The following WDR70 variants were observed in gnomAD, a reference collection of about 807,000 sequenced individuals.
WDR70 encodes the protein WD repeat-containing protein 70.
Under a neutral mutation model 88.6 loss-of-function variants are expected in WDR70, and 53 were observed. The observed-to-expected ratio is 0.60, with a 90% CI of 0.48 to 0.75. WDR70 has a LOEUF of 0.75. WDR70 is among the 30% of genes least tolerant of loss of function. The pLI is 0.00. For synonymous variants in WDR70, 280 were observed against 270.0 expected, an observed-to-expected ratio of 1.04 and a Z score of -0.36; for missense variants, 610 against 823.2, an observed-to-expected ratio of 0.74 and a Z score of 3.17.
intron 10 of WDR70, among the ~76,000 whole-genome samples, chr5:37,607,761 G>A (rs543423930): frequency 6.6e-6 from 1 of 152,274 alleles, no homozygotes; most frequent in East Asian, 1.9e-4. Context: ...TGCTCCTCAA[G>A]AGGAGTGGTT....
chr5:37,476,272 C>G (rs1051520822), intron 7 of WDR70, among the ~76,000 whole-genome samples: 8 of 152,140 alleles, frequency 5.3e-5, no homozygotes, highest in African/African-American at 1.7e-4. Context: ...TAAATTAGTA[C>G]TTTTACTACT....
intron 5 of WDR70, among the ~76,000 whole-genome samples, chr5:37,421,139 A>G (rs1749933715): frequency 6.6e-6 from 1 of 152,182 alleles, no homozygotes; most frequent in South Asian, 2.1e-4. Flanking sequence ...CTCTAAGGCC[A>G]CGCAGTGGTA....
At chr5:37,503,920 A>T (rs1163991847) in intron 8 of WDR70, among the ~76,000 whole-genome samples, 1 of 152,138 alleles carries the variant, frequency 6.6e-6, no homozygotes, top group Non-Finnish European at 1.5e-5. Context: ...AGGTGTTCAT[A>T]GTAATCTCAA....
chr5:37,529,707 G>C (rs1194312389), intron 9 of WDR70, among the ~76,000 whole-genome samples: 1 of 152,104 alleles, frequency 6.6e-6, no homozygotes, highest in Admixed American at 6.6e-5. Context: ...TTATTTACCA[G>C]TTCTAGGAGC....
intron 11 of WDR70, among the ~76,000 whole-genome samples, chr5:37,700,024 C>T (rs1314918775): frequency 6.6e-6 from 1 of 151,882 alleles, no homozygotes; most frequent in Non-Finnish European, 1.5e-5. Context: ...CAAAGGTGAG[C>T]CTTACAAAGT....
intron 10 of WDR70, among the ~76,000 whole-genome samples, chr5:37,674,340 G>A (rs563053560): frequency 6.9e-4 from 105 of 151,842 alleles, no homozygotes; most frequent in Middle Eastern, 3.4e-3. Flanking sequence ...CCATTAACTC[G>A]TCATTTAGCA....
chr5:37,474,920 T>C (rs1283515477), intron 7 of WDR70, among the ~76,000 whole-genome samples: 1 of 152,064 alleles, frequency 6.6e-6, no homozygotes, highest in East Asian at 1.9e-4. Flanking sequence ...TTATTATTTT[T>C]ATTATTTTTA....
chr5:37,726,913 G>C lies in WDR70; in HGVS notation c.1745G>C (p.Gly582Ala), dbSNP rs1401727785. ...GRGGRVGTHG[G>A]TLSSYIVKNI... ...GGTGGCCGAGTTGGAACCCACGGGGGCACTCTCTCTTCCTATATTGTGAAG... is the reference window on the plus strand; with the variant it reads ...GGTGGCCGAGTTGGAACCCACGGGGCCACTCTCTCTTCCTATATTGTGAAG... Residue 582 changes from glycine (G) to alanine (A), a missense_variant, in exon 17 of 18, where the codon GGC becomes GCC. Coordinates refer to ENST00000265107, the MANE Select transcript of WDR70 (RefSeq NM_018034.4). 1 of 1,595,674 alleles carries C rather than the reference G, an allele frequency of 6.3e-7. No homozygotes were observed. Among genetic ancestry groups the C allele is most frequent in the Non-Finnish European group, 8.5e-7 (1 of 1,173,992 alleles).
At chr5:37,599,776 C>T (rs1743808941) in intron 9 of WDR70, among the ~76,000 whole-genome samples, 1 of 151,986 alleles carries the variant, frequency 6.6e-6, no homozygotes, top group African/African-American at 2.4e-5. Context: ...GCCTGTACTC[C>T]TAGCTACTCA....
intron 10 of WDR70, among the ~76,000 whole-genome samples, chr5:37,675,218 G>A (rs1180137259): frequency 6.6e-6 from 1 of 152,022 alleles, no homozygotes; most frequent in African/African-American, 2.4e-5. Context: ...CTTTTGCTGT[G>A]CAGAAGCTCT....
chr5:37,533,867 C>A (rs1359339935), intron 9 of WDR70, among the ~76,000 whole-genome samples: 1 of 152,188 alleles, frequency 6.6e-6, no homozygotes, highest in East Asian at 1.9e-4. Context: ...GCCGTGCCCC[C>A]TCACCTGCAT....
intron 9 of WDR70, among the ~76,000 whole-genome samples, chr5:37,525,935 A>G (rs1340231075): frequency 6.6e-6 from 1 of 152,244 alleles, no homozygotes; most frequent in African/African-American, 2.4e-5. Flanking sequence ...TAAACCAGGA[A>G]GAATTTGAAT....
chr5:37,584,944 A>G (rs941817778), intron 9 of WDR70, among the ~76,000 whole-genome samples: 1 of 150,404 alleles, frequency 6.6e-6, no homozygotes, highest in Admixed American at 6.7e-5. Context: ...TTACTTCTTA[A>G]CATAAATAAA....
intron 8 of WDR70, among the ~76,000 whole-genome samples, chr5:37,502,390 T>C (rs577011169): frequency 6.6e-6 from 1 of 152,310 alleles, no homozygotes; most frequent in East Asian, 1.9e-4. Context: ...TTTTCAACTT[T>C]TCCCCATTTA....
intron 9 of WDR70, among the ~76,000 whole-genome samples, chr5:37,587,776 TTC>T (rs1164089990): frequency 6.8e-5 from 9 of 133,058 alleles, no homozygotes; most frequent in Non-Finnish European, 1.4e-4. Context: ...AAAAGCCCTA[TTC>T]TTTTTTTTTT....
At chr5:37,546,645 G>A (rs1742004016) in intron 9 of WDR70, among the ~76,000 whole-genome samples, 1 of 152,182 alleles carries the variant, frequency 6.6e-6, no homozygotes, top group Non-Finnish European at 1.5e-5. Context: ...TAGACCAGAT[G>A]CGGTGGCTCA....
intron 5 of WDR70, among the ~76,000 whole-genome samples, chr5:37,420,741 G>A (rs1057308846): frequency 3.3e-5 from 5 of 152,038 alleles, no homozygotes; most frequent in South Asian, 2.1e-4. Flanking sequence ...GTGAAACCCC[G>A]TCTCTACTAA....
chr5:37,749,632 G>A lies in WDR70; in HGVS notation c.1878-2854G>A, dbSNP rs78491060. On this transcript the variant is annotated intron_variant, in intron 17 of 17. Transcript: ENST00000265107. ...CAACATTATGATTAGTTCAAAAGTA[G>A]AAATTAAATGTCATGGAGTTTTGCA... Among the ~76,000 whole-genome samples, 1,349 of 152,090 alleles carry A rather than the reference G, an allele frequency of 8.9e-3. 22 individuals carry two copies. The highest frequency in any genetic ancestry group is 0.031 in the African/African-American group (1,288 of 41,490).
chr5:37,449,603 ATAAAAAATAAAAAAT>A (rs1561856850), intron 7 of WDR70, among the ~76,000 whole-genome samples: 18 of 70,638 alleles, frequency 2.5e-4, no homozygotes, highest in South Asian at 1.1e-3. Flanking sequence ...AAAAAAAAAA[ATAAAAAATAAAAAAT>A]AAATAAATAA....
Sources: allele counts gnomAD v4.1 joint callset (sites outside exome capture counted in the v4.1 genomes callset), GRCh38; gene constraint gnomAD v4.1.1; transcripts MANE v1.5; gene names NCBI Gene and HGNC (gene_info 2026-07-23, HGNC 2026-07-21).